Variants in ESR1 observed in about 807,000 individuals in gnomAD.
The protein encoded by ESR1 is estrogen receptor.
A neutral mutation model predicts 52.7 loss-of-function variants in ESR1; 12 were observed. That is an observed-to-expected ratio of 0.23 (90% confidence interval 0.15 to 0.37). ESR1 has a LOEUF of 0.37. ESR1 is among the 10% of genes least tolerant of loss of function. The probability of loss-of-function intolerance (pLI) is 1.00; values close to 1 mark genes in which losing one functional copy is unlikely to be tolerated. For synonymous variants in ESR1, 305 were observed against 316.8 expected, an observed-to-expected ratio of 0.96 and a Z score of 0.39; for missense variants, 584 against 779.7, an observed-to-expected ratio of 0.75 and a Z score of 2.99.
rs115642042 is a variant in ESR1 at position 152,058,367 on chromosome 6, G to T, written c.1236-2624G>T. On this transcript the variant is annotated intron_variant, in intron 5 of 7. Coordinates refer to ENST00000206249, the MANE Select transcript of ESR1 (RefSeq NM_000125.4). ...TGCTGTGCTTCTATAGAGCTTCCAT[G>T]CATCCAGATTTTCAAAGTCAAAGCA... Among the ~76,000 whole-genome samples the T allele has an allele frequency of 4.4e-3, 669 of 152,226 alleles. 4 individuals carry two copies. Among genetic ancestry groups the T allele is most frequent in the African/African-American group, 0.016 (647 of 41,546 alleles).
upstream of ESR1, chr6:151,807,135 C>T (rs781745661): frequency 6.6e-6 from 1 of 152,554 alleles, no homozygotes; most frequent in African/African-American, 2.4e-5. Flanking sequence ...CCCCCTTCCC[C>T]TCAGATGCCC....
intron 2 of ESR1, among the ~76,000 whole-genome samples, chr6:151,755,434 T>TATC (rs1387103027): frequency 2.6e-5 from 4 of 152,072 alleles, no homozygotes; most frequent in Non-Finnish European, 5.9e-5. Context: ...TCCTGTTGGC[T>TATC]ATCTGGAATT....
Position 152,098,937 on chromosome 6 carries a change from G to A in ESR1, c.1759G>A (p.Glu587Lys), listed in dbSNP as rs1436999383. ...HSLQKYYITG[E>K]AEGFPATV Reference sequence around the variant, plus strand: ...CTTGCAAAAGTATTACATCACGGGGGAGGCAGAGGGTTTCCCTGCCACGGT... The same window carrying A: ...CTTGCAAAAGTATTACATCACGGGGAAGGCAGAGGGTTTCCCTGCCACGGT... The change falls in exon 8 of 8, where the codon GAG (glutamate) becomes AAG (lysine). Residue 587 changes from glutamate to lysine, a missense_variant. By Grantham distance (56) the Glu-to-Lys change is moderately conservative. This residue lies in a region of ESR1 where 71 missense variants were observed against 66.1 expected (regional missense o/e 1.07). Transcript: ENST00000206249. The surrounding 1 kb of genome is among the most constrained non-coding windows in gnomAD (Gnocchi z 5.1). 2 of 1,614,160 alleles carry A rather than the reference G, an allele frequency of 1.2e-6. No individual in the cohort carries two copies. Among genetic ancestry groups the A allele is most frequent in the East Asian group, 2.2e-5 (1 of 44,876 alleles).
At chr6:151,880,167 A>AGGTTT (rs1792580970) in intron 2 of ESR1, among the ~76,000 whole-genome samples, 1 of 133,914 alleles carries the variant, frequency 7.5e-6, no homozygotes, top group Admixed American at 7.6e-5. Flanking sequence ...AGTCCACGGG[A>AGGTTT]GGTTTTTTGT....
chr6:152,057,121 A>G (rs1178715095), intron 5 of ESR1, among the ~76,000 whole-genome samples: 2 of 152,188 alleles, frequency 1.3e-5, no homozygotes, highest in Non-Finnish European at 2.9e-5. Context: ...TGACCTCAGT[A>G]GACACTGAAG....
chr6:151,711,987 C>A (rs1418034918), intron 2 of ESR1, among the ~76,000 whole-genome samples: 2 of 152,106 alleles, frequency 1.3e-5, no homozygotes, highest in African/African-American at 4.8e-5. Flanking sequence ...TCGGGTCTTA[C>A]ATTTAAGTTT....
chr6:151,732,505 T>C (rs1167027013), intron 2 of ESR1, among the ~76,000 whole-genome samples: 2 of 150,658 alleles, frequency 1.3e-5, no homozygotes, highest in Non-Finnish European at 1.5e-5. Flanking sequence ...GTAAATAGGG[T>C]TCCTTTATGT....
intron 2 of ESR1, among the ~76,000 whole-genome samples, chr6:151,724,346 C>T (rs1228345335): frequency 6.6e-6 from 1 of 152,184 alleles, no homozygotes; most frequent in Non-Finnish European, 1.5e-5. Flanking sequence ...CCTCCTTCCT[C>T]AAGACTGACA....
chr6:151,676,814 C>A (rs967708370), intron 1 of ESR1, among the ~76,000 whole-genome samples: 1 of 152,174 alleles, frequency 6.6e-6, no homozygotes, highest in African/African-American at 2.4e-5. Flanking sequence ...CAAGTCCTAG[C>A]AGATGGCTGC....
chr6:152,099,664 G>A lies in ESR1; in HGVS notation c.*698G>A, dbSNP rs1012842431. ...CTGAAAGCTCTGCCTCTGGCTTTCC[G>A]GTCATGGGTTCCAGTTAATTCATGC... On this transcript the variant is annotated 3_prime_UTR_variant, in exon 8 of 8. Coordinates refer to ENST00000206249, the MANE Select transcript of ESR1 (RefSeq NM_000125.4). 3 of 258,572 alleles carry A rather than the reference G, an allele frequency of 1.2e-5. No homozygotes were observed. The highest frequency in any genetic ancestry group is 4.3e-5 in the African/African-American group (2 of 46,194). The allele number at this position is 258,572 out of a possible 1,614,324, so 16.0% of individuals were successfully genotyped here. A position where few individuals can be genotyped will look rare whatever the true frequency, so the allele number is the denominator to read the frequency against.
upstream of ESR1, among the ~76,000 whole-genome samples, chr6:151,801,645 T>A (rs1425756530): frequency 6.6e-6 from 1 of 152,212 alleles, no homozygotes; most frequent in African/African-American, 2.4e-5. Context: ...AAAAACATGT[T>A]AAAGAATACT....
At chr6:152,122,580 G>A in intron 6 of ESR1, 2 of 1,614,208 alleles carry the variant, frequency 1.2e-6, no homozygotes, top group Non-Finnish European at 1.7e-6. Context: ...GAAGCTGAAG[G>A]GGAAGAGCTG....
intron 5 of ESR1, among the ~76,000 whole-genome samples, chr6:152,024,114 T>C (rs1316809852): frequency 6.6e-6 from 1 of 152,186 alleles, no homozygotes; most frequent in Non-Finnish European, 1.5e-5. Flanking sequence ...TTCAGTTGTC[T>C]CAACACCATT....
At chr6:151,854,316 G>A (rs982044029) in intron 2 of ESR1, among the ~76,000 whole-genome samples, 7 of 152,202 alleles carry the variant, frequency 4.6e-5, no homozygotes, top group East Asian at 1.9e-4. Context: ...TTCCACTTAC[G>A]TGTGGGTTAG....
At chr6:152,097,609 T>A (rs957712962) in intron 7 of ESR1, among the ~76,000 whole-genome samples, 4 of 152,250 alleles carry the variant, frequency 2.6e-5, no homozygotes, top group Non-Finnish European at 4.4e-5. Context: ...ATAATAGTTG[T>A]TCTCCTCCCC....
At chr6:152,012,480 A>G (rs2042861968) in intron 5 of ESR1, among the ~76,000 whole-genome samples, 1 of 152,104 alleles carries the variant, frequency 6.6e-6, no homozygotes, top group Non-Finnish European at 1.5e-5. Context: ...TCATTTAATC[A>G]TCACCGGACT....
chr6:151,933,264 T>C (rs2033920421), intron 3 of ESR1, among the ~76,000 whole-genome samples: 1 of 149,300 alleles, frequency 6.7e-6, no homozygotes, highest in Non-Finnish European at 1.5e-5. Context: ...TTGTCTGTTG[T>C]TGGTGTATAA....
Position 152,053,486 on chromosome 6 carries a change from C to A in ESR1, c.1236-7505C>A, listed in dbSNP as rs985218810. ...TCTTTCCCTCTCTCTCAATCTTTCT[C>A]TTCCTCAGTCTCTCTCCCATTCTCT... On this transcript the variant is annotated intron_variant, in intron 5 of 7. Transcript: ENST00000206249. This position sits in a 1 kb window ranked among gnomAD's most constrained non-coding sequence, Gnocchi z 4.1. Among the ~76,000 whole-genome samples the A allele has an allele frequency of 6.6e-6, 1 of 151,936 alleles. No homozygotes were observed. The highest frequency in any genetic ancestry group is 2.4e-5 in the African/African-American group (1 of 41,350).
At position 151,856,782 on chromosome 6, in the gene ESR1, G is replaced by A. The variant is rs190000831; in HGVS notation, c.643+13995G>A. Among the ~76,000 whole-genome samples, 434 of 152,168 alleles carry A rather than the reference G, an allele frequency of 2.9e-3. 2 individuals carry two copies. The highest frequency in any genetic ancestry group is 4.2e-3 in the Non-Finnish European group (286 of 68,022). On this transcript the variant is annotated intron_variant, in intron 2 of 7. Transcript: ENST00000206249. ...TTTCTCCTGACTTTCTGTAAATCCC[G>A]GGGAGGAGCTGGAAGAGCAAGGTGT... is the stretch of plus-strand genomic sequence containing the variant.
Sources: allele counts gnomAD v4.1 joint callset (sites outside exome capture counted in the v4.1 genomes callset), GRCh38; gene constraint gnomAD v4.1.1; regional missense constraint gnomAD v4.1.1; non-coding constraint Gnocchi (gnomAD v3.1); transcripts MANE v1.5; gene names NCBI Gene and HGNC (gene_info 2026-07-23, HGNC 2026-07-21).